The following DLC1 variants were observed in gnomAD, a reference collection of about 807,000 sequenced individuals.
DLC1 encodes DLC1 Rho GTPase activating protein.
Under a neutral mutation model 140.3 loss-of-function variants are expected in DLC1, and 54 were observed. The observed-to-expected ratio is 0.38, with a 90% CI of 0.31 to 0.48. DLC1 has a LOEUF of 0.48. DLC1 is among the 20% of genes least tolerant of loss of function. DLC1 has a pLI of 0.96. For missense variants in DLC1, 2,536 were observed against 1,907.0 expected (o/e 1.33, Z -6.14); for synonymous variants, 986 against 728.1 (o/e 1.35, Z -5.70).
At chr8:13,429,651 A>G (rs1838768739) in intron 2 of DLC1, among the ~76,000 whole-genome samples, 1 of 152,340 alleles carries the variant, frequency 6.6e-6, no homozygotes, top group African/African-American at 2.4e-5. Context: ...TGCAGGGAAC[A>G]TAGTGATACT....
At chr8:13,154,098 A>T (rs1824056048) in intron 5 of DLC1, among the ~76,000 whole-genome samples, 1 of 152,168 alleles carries the variant, frequency 6.6e-6, no homozygotes, top group Admixed American at 6.5e-5. Context: ...CAGGGTGGTG[A>T]TTGGTGTGTT....
At chr8:13,308,799 G>C (rs1010100054) in intron 4 of DLC1, among the ~76,000 whole-genome samples, 3 of 152,126 alleles carry the variant, frequency 2.0e-5, no homozygotes, top group African/African-American at 7.2e-5. Context: ...GAAATGGAAT[G>C]GTTTTCTTGG....
chr8:13,189,275 A>C (rs909862198), intron 5 of DLC1, among the ~76,000 whole-genome samples: 2 of 152,156 alleles, frequency 1.3e-5, no homozygotes, highest in African/African-American at 4.8e-5. Flanking sequence ...TTAAACTCTA[A>C]ATATTCTCCT....
chr8:13,537,327 G>C (rs1329097550), intron 1 of DLC1, among the ~76,000 whole-genome samples: 1 of 152,198 alleles, frequency 6.6e-6, no homozygotes, highest in African/African-American at 2.4e-5. Flanking sequence ...GTGGGACATT[G>C]CATGTTTGCT....
chr8:13,437,678 G>C (rs1585106815), intron 2 of DLC1, among the ~76,000 whole-genome samples: 1 of 152,200 alleles, frequency 6.6e-6, no homozygotes, highest in East Asian at 1.9e-4. Context: ...CAACTGTGTA[G>C]GCAGAGCTGC....
chr8:13,578,748 G>A (rs1012862512), intron 1 of DLC1, among the ~76,000 whole-genome samples: 5 of 151,976 alleles, frequency 3.3e-5, no homozygotes, highest in African/African-American at 9.7e-5. Context: ...GGGAAGGAGT[G>A]TGGAGCTTCC....
intron 1 of DLC1, among the ~76,000 whole-genome samples, chr8:13,570,710 G>A (rs775300086): frequency 3.9e-4 from 59 of 151,964 alleles, no homozygotes; most frequent in Non-Finnish European, 5.7e-4. Context: ...GGACATTTGC[G>A]TTGGTTCTCT....
intron 5 of DLC1, among the ~76,000 whole-genome samples, chr8:13,126,610 C>G (rs982482858): frequency 2.0e-5 from 3 of 151,976 alleles, no homozygotes; most frequent in African/African-American, 7.3e-5. Flanking sequence ...TAAAATGAAG[C>G]ACGTGTTTTA....
intron 5 of DLC1, among the ~76,000 whole-genome samples, chr8:13,161,923 A>G (rs988570976): frequency 6.6e-6 from 1 of 152,248 alleles, no homozygotes; most frequent in African/African-American, 2.4e-5. Flanking sequence ...TACACATTTT[A>G]TGTTATTAAA....
rs78072858 is a variant in DLC1, at chr8:13,430,777, T to C, written c.1024-29158A>G. On this transcript the variant is annotated intron_variant, in intron 2 of 17. Transcript: ENST00000276297. ...ATTCTAAATCTAAAAGCAAAATGTTTATAAATCACAGAATTTTACAAACTA... is the reference window on the plus strand; with the variant it reads ...ATTCTAAATCTAAAAGCAAAATGTTCATAAATCACAGAATTTTACAAACTA... Among the ~76,000 whole-genome samples, 888 of 152,334 alleles carry C rather than the reference T, an allele frequency of 5.8e-3. 12 individuals are homozygous for C. Among genetic ancestry groups the C allele is most frequent in the African/African-American group, 0.02 (851 of 41,576 alleles).
chr8:13,145,396 C>G (rs1226460113), intron 5 of DLC1, among the ~76,000 whole-genome samples: 1 of 152,178 alleles, frequency 6.6e-6, no homozygotes, highest in Non-Finnish European at 1.5e-5. Context: ...CTTTAAAATG[C>G]TAAGTTCTCC....
chr8:13,568,044 C>T, intron 1 of DLC1: 7 of 1,331,866 alleles, frequency 5.3e-6, no homozygotes, highest in South Asian at 4.8e-5. Flanking sequence ...ATGCTTCCTT[C>T]ACAGATTTGA....
chr8:13,306,880 T>A (rs1426327780), intron 4 of DLC1, among the ~76,000 whole-genome samples: 2 of 151,310 alleles, frequency 1.3e-5, no homozygotes, highest in Non-Finnish European at 3.0e-5. Context: ...GGTCAGGAGA[T>A]CGAGACCAGC....
intron 5 of DLC1, among the ~76,000 whole-genome samples, chr8:13,162,229 G>A (rs939802276): frequency 2.0e-5 from 3 of 152,204 alleles, no homozygotes; most frequent in African/African-American, 7.2e-5. Flanking sequence ...CTTGGCAGAT[G>A]AGCTAAACCA....
chr8:13,393,148 C>T (rs1161332308), intron 4 of DLC1, among the ~76,000 whole-genome samples: 1 of 151,610 alleles, frequency 6.6e-6, no homozygotes, highest in Non-Finnish European at 1.5e-5. Context: ...ATCCATCCAT[C>T]CATCCATCCA....
intron 5 of DLC1, among the ~76,000 whole-genome samples, chr8:13,154,549 T>G (rs375201792): frequency 1.4e-4 from 21 of 152,274 alleles, no homozygotes; most frequent in East Asian, 7.8e-4. Flanking sequence ...CGAGTGCCAG[T>G]GCGCAGCCCC....
intron 4 of DLC1, among the ~76,000 whole-genome samples, chr8:13,364,991 A>G (rs540106002): frequency 6.8e-4 from 103 of 152,330 alleles, no homozygotes; most frequent in Admixed American, 1.8e-3. Context: ...TTGAGATTGC[A>G]TGGTAAATCT....
intron 5 of DLC1, among the ~76,000 whole-genome samples, chr8:13,136,878 T>C (rs1328214488): frequency 1.3e-5 from 2 of 152,210 alleles, no homozygotes; most frequent in African/African-American, 4.8e-5. Flanking sequence ...GAATATGTTA[T>C]TTAGCTTCTC....
chr8:13,431,187 T>G (rs1838847401), intron 2 of DLC1, among the ~76,000 whole-genome samples: 1 of 151,968 alleles, frequency 6.6e-6, no homozygotes, highest in Admixed American at 6.6e-5. Flanking sequence ...ACAGATGTGT[T>G]CAAGAATCAA....
Sources: gnomAD v4.1 joint callset for allele counts (sites outside exome capture counted in the v4.1 genomes callset) on GRCh38, gnomAD v4.1.1 for gene constraint, MANE v1.5 for transcripts, NCBI Gene and HGNC (gene_info 2026-07-23, HGNC 2026-07-21) for gene names.